Variants in CBLB observed in about 807,000 individuals in gnomAD.
CBLB encodes the protein Cbl proto-oncogene B.
A neutral mutation model predicts 104.9 loss-of-function variants in CBLB; 31 were observed. The ratio of observed to expected loss-of-function variants is 0.30; its 90% CI spans 0.22 to 0.40. The LOEUF is 0.40. CBLB is among the 10% of genes least tolerant of loss of function. The pLI is 1.00. For missense variants in CBLB, 1,062 were observed against 1,214.6 expected (o/e 0.87, Z 1.87); for synonymous variants, 440 against 422.6 (o/e 1.04, Z -0.51).
At chr3:105,769,630 T>C (rs974777282) in intron 4 of CBLB, among the ~76,000 whole-genome samples, 1 of 151,932 alleles carries the variant, frequency 6.6e-6, no homozygotes, top group Non-Finnish European at 1.5e-5. Context: ...ACAAAGACAA[T>C]GAGGAGTAAA....
intron 4 of CBLB, among the ~76,000 whole-genome samples, chr3:105,763,173 T>C (rs574172241): frequency 1.3e-5 from 2 of 152,314 alleles, no homozygotes; most frequent in South Asian, 4.2e-4. Flanking sequence ...AGGAAGTAAC[T>C]AACTTGCTTT....
intron 18 of CBLB, among the ~76,000 whole-genome samples, chr3:105,664,066 C>T (rs2064103748): frequency 6.6e-6 from 1 of 152,018 alleles, no homozygotes; most frequent in Non-Finnish European, 1.5e-5. Context: ...CTTTATTACT[C>T]CCCTCATCAT....
In CBLB at chr3:105,657,342, C is replaced by A. The variant is rs1291296810; in HGVS notation, c.*1628G>T. 1 of 217,494 alleles carries A rather than the reference C, an allele frequency of 4.6e-6. No homozygotes were observed. Among genetic ancestry groups the A allele is most frequent in the Non-Finnish European group, 9.2e-6 (1 of 108,134 alleles). The allele number at this position is 217,494 out of a possible 1,614,324, so 13.5% of individuals were successfully genotyped here. On this transcript the variant is annotated 3_prime_UTR_variant, in exon 19 of 19. Transcript: ENST00000394030. ...GTGGGTGTGAAGTGAAAAGAGGAGA[C>A]ACAGAAATATGCACAAACCCACAAT...
At chr3:105,681,228 T>C (rs1371093907) in intron 16 of CBLB, 2 of 552,978 alleles carry the variant, frequency 3.6e-6, no homozygotes, top group Non-Finnish European at 6.4e-6. Flanking sequence ...GTTTTTAGAC[T>C]ACATTTAGTA....
Position 105,746,941 on chromosome 3 carries a change from C to T in CBLB, c.724-903G>A, listed in dbSNP as rs116751649. Among the ~76,000 whole-genome samples the T allele has an allele frequency of 2.0e-3, 303 of 152,304 alleles. 2 individuals carry two copies. Among genetic ancestry groups the T allele is most frequent in the African/African-American group, 7.1e-3 (294 of 41,554 alleles). The stretch of plus-strand genomic sequence containing the variant: ...GACTTGTGTAAAAGGCTAGTGTTAA[C>T]ACTACAGTAGTCACATCTGGCTTAA... On this transcript the variant is annotated intron_variant, in intron 5 of 18. Coordinates refer to ENST00000394030, the MANE Select transcript of CBLB (RefSeq NM_170662.5).
At chr3:105,869,058 GGGGC>G, upstream of CBLB, 4 of 1,065,828 alleles carry the variant, frequency 3.8e-6, no homozygotes, top group Non-Finnish European at 4.7e-6. Flanking sequence ...GGGGCGGGGC[GGGGC>G]GGGGGCGGGG....
chr3:105,854,927 G>A (rs759360137), intron 2 of CBLB, among the ~76,000 whole-genome samples: 6 of 152,104 alleles, frequency 3.9e-5, no homozygotes, highest in African/African-American at 9.7e-5. Flanking sequence ...CACCGTACCC[G>A]GCCTAAGAGT....
At chr3:105,703,901 A>T in intron 11 of CBLB, 87 bp downstream of exon 11, 1 of 1,262,812 alleles carries the variant, frequency 7.9e-7, no homozygotes, top group Non-Finnish European at 1.1e-6. Flanking sequence ...AAGCAAAAAA[A>T]TATGAGTAAT....
chr3:105,850,964 T>C (rs1178109084), intron 3 of CBLB, among the ~76,000 whole-genome samples: 1 of 152,178 alleles, frequency 6.6e-6, no homozygotes, highest in Non-Finnish European at 1.5e-5. Flanking sequence ...ACAAACTTTC[T>C]TGAAAGTTTC....
intron 3 of CBLB, among the ~76,000 whole-genome samples, chr3:105,805,007 T>C (rs770879884): frequency 2.0e-5 from 3 of 152,134 alleles, no homozygotes; most frequent in African/African-American, 7.2e-5. Flanking sequence ...CCACAGTAGT[T>C]GCTGTTTGAG....
At chr3:105,793,078 G>A (rs2081875731) in intron 3 of CBLB, among the ~76,000 whole-genome samples, 1 of 151,980 alleles carries the variant, frequency 6.6e-6, no homozygotes, top group Non-Finnish European at 1.5e-5. Context: ...AATATCCTTG[G>A]AAAATGTCAG....
chr3:105,780,660 G>GTTTTTTTTTTTTTTTTTTTTTTTTTTT (rs58640968), intron 3 of CBLB, among the ~76,000 whole-genome samples: 6 of 94,034 alleles, frequency 6.4e-5, no homozygotes, highest in Admixed American at 1.5e-4. Context: ...TTTGTTTTTT[G>GTTTTTTTTTTTTTTTTTTTTTTTTTTT]TTTTTTTTTT....
At position 105,671,633 on chromosome 3, in the gene CBLB, C is replaced by A. The variant is rs116326924; in HGVS notation, c.2570-1281G>T. 452 of 205,306 alleles carry A rather than the reference C, an allele frequency of 2.2e-3. 6 individuals are homozygous for A. The highest frequency in any genetic ancestry group is 9.8e-3 in the African/African-American group (431 of 43,954). The allele number at this position is 205,306 out of a possible 1,614,324, so 12.7% of individuals were successfully genotyped here. ...TTAATAATATGTAAGTATTTGATTACTTACGATGAAAACATAGGCTTAAAT... is the reference window on the plus strand; with the variant it reads ...TTAATAATATGTAAGTATTTGATTAATTACGATGAAAACATAGGCTTAAAT... On this transcript the variant is annotated intron_variant, in intron 17 of 18. Transcript: ENST00000394030.
rs374904656 is a variant in CBLB at position 105,662,598 on chromosome 3, A to G, written c.2690-3369T>C. ...GTTACCAATTTTCTTAAAAGATATA[A>G]GGTCATTAATATTTTAAAGCACTGA... On this transcript the variant is annotated intron_variant, in intron 18 of 18. Coordinates refer to ENST00000394030, the MANE Select transcript of CBLB (RefSeq NM_170662.5). Among the ~76,000 whole-genome samples, 15 of 152,344 alleles carry G rather than the reference A, an allele frequency of 9.8e-5. No individual in the cohort carries two copies. The South Asian group carries it at 3.1e-3, about 32-fold the overall frequency.
chr3:105,704,101 G>T lies in CBLB; in HGVS notation c.1480C>A (p.Pro494Thr), dbSNP rs200005937. The change falls in exon 11 of 19, where the codon CCT becomes ACT. Residue 494 changes from proline (P) to threonine (T), a missense_variant. Physicochemically the swap from Pro to Thr is conservative, Grantham distance 38 (BLOSUM62 -1). Transcript: ENST00000394030. Reference protein sequence around the residue: ...SPLAQRRKPQPDPLQIPHLSL... With the variant: ...SPLAQRRKPQTDPLQIPHLSL... ...AGATGTGGGATCTGGAGTGGGTCAG[G>T]CTGTGGCTTTCTTCTCTGGGCAAGG... 1 of 1,613,994 alleles carries T rather than the reference G, an allele frequency of 6.2e-7. No homozygotes were observed. Among genetic ancestry groups the T allele is most frequent in the Non-Finnish European group, 8.5e-7 (1 of 1,179,992 alleles).
intron 10 of CBLB, among the ~76,000 whole-genome samples, chr3:105,709,532 A>C (rs1474880562): frequency 6.6e-6 from 1 of 151,902 alleles, no homozygotes; most frequent in South Asian, 2.1e-4. Context: ...TCACATACAC[A>C]ATGTTAAGTC....
chr3:105,762,948 C>T (rs946361600), intron 4 of CBLB, among the ~76,000 whole-genome samples: 18 of 152,248 alleles, frequency 1.2e-4, no homozygotes, highest in African/African-American at 2.4e-4. Flanking sequence ...TGCGAAGCCA[C>T]GGGGTGGAGC....
At position 105,660,206 on chromosome 3, in the gene CBLB, T is replaced by C. The variant is rs192025464; in HGVS notation, c.2690-977A>G. 7.9e-5 allele frequency among the ~76,000 whole-genome samples: 12 copies of C among 152,264 alleles called. No homozygotes were observed. The East Asian group carries it at 1.4e-3, about 17-fold the overall frequency. On this transcript the variant is annotated intron_variant, in intron 18 of 18. Coordinates refer to ENST00000394030, the MANE Select transcript of CBLB (RefSeq NM_170662.5). ...ACACACACTATACGTATACATGAGA[T>C]GGAGTTTTACTCTTGTTGCCCAGGC...
chr3:105,672,070 CT>C lies in CBLB; in HGVS notation c.2570-1719del, dbSNP rs2065120922. On this transcript the variant is annotated intron_variant, in intron 17 of 18. Transcript: ENST00000394030. ...AGGTTCTTGTAGACTCTAAATGCCC[CT>C]GATACAACATTAAGTCAGAGGAAAG... is the stretch of plus-strand genomic sequence containing the variant. 4 of 193,714 alleles carry C rather than the reference CT, an allele frequency of 2.1e-5. No homozygotes were observed. In the South Asian group the frequency reaches 5.8e-4, roughly 28 times the overall value. The allele number at this position is 193,714 out of a possible 1,614,324, so 12.0% of individuals were successfully genotyped here. A position where few individuals can be genotyped will look rare whatever the true frequency, so the allele number is the denominator to read the frequency against.
Sources: allele counts gnomAD v4.1 joint callset (sites outside exome capture counted in the v4.1 genomes callset), GRCh38; gene constraint gnomAD v4.1.1; transcripts MANE v1.5; gene names NCBI Gene and HGNC (gene_info 2026-07-23, HGNC 2026-07-21).